The following CNTNAP2 variants were observed in gnomAD, a reference collection of about 807,000 sequenced individuals.
CNTNAP2 encodes contactin associated protein 2, also known as contactin-associated protein-like 2.
Under a neutral mutation model 155.2 loss-of-function variants are expected in CNTNAP2, and 98 were observed. That is an observed-to-expected ratio of 0.63 (90% CI 0.54 to 0.75). The LOEUF (loss-of-function observed/expected upper bound fraction) is 0.75, where lower values mean the gene tolerates loss of function less well. Ranked by LOEUF, CNTNAP2 falls within the 30% of genes least tolerant of loss-of-function variation. The pLI is 0.00. For missense variants in CNTNAP2, 1,727 were observed against 1,688.1 expected (o/e 1.02, Z -0.40); for synonymous variants, 651 against 631.2 (o/e 1.03, Z -0.47).
At chr7:146,697,124 T>A (rs1800794949) in intron 1 of CNTNAP2, among the ~76,000 whole-genome samples, 1 of 152,196 alleles carries the variant, frequency 6.6e-6, no homozygotes, top group Admixed American at 6.5e-5. Context: ...GTTTACTTAT[T>A]TCCCTTTGCA....
intron 1 of CNTNAP2, among the ~76,000 whole-genome samples, chr7:146,267,252 T>C (rs1800009822): frequency 6.6e-6 from 1 of 152,172 alleles, no homozygotes; most frequent in Admixed American, 6.5e-5. Flanking sequence ...GATATATTCA[T>C]ATAGCAATTA....
intron 15 of CNTNAP2, among the ~76,000 whole-genome samples, chr7:148,023,900 T>C (rs13228553): frequency 0.04 from 6,034 of 152,194 alleles, 256 homozygotes; most frequent in East Asian, 0.25. Flanking sequence ...ACTCTCTAGA[T>C]GCTGAAATTG....
chr7:146,848,683 TCTG>T (rs1794809206), intron 3 of CNTNAP2, among the ~76,000 whole-genome samples: 1 of 151,162 alleles, frequency 6.6e-6, no homozygotes, highest in South Asian at 2.1e-4. Flanking sequence ...AGATGAATCT[TCTG>T]CTGAAATAGG....
intron 11 of CNTNAP2, among the ~76,000 whole-genome samples, chr7:147,532,002 T>C (rs575850843): frequency 6.6e-6 from 1 of 151,974 alleles, no homozygotes; most frequent in Non-Finnish European, 1.5e-5. Context: ...AGAGACAGGG[T>C]TTCACCATGT....
At chr7:148,259,248 C>G (rs562624737) in intron 20 of CNTNAP2, among the ~76,000 whole-genome samples, 63 of 136,686 alleles carry the variant, frequency 4.6e-4, no homozygotes, top group Non-Finnish European at 9.5e-4. Context: ...CCCAGCTACT[C>G]GGTAGGCTAA....
chr7:146,798,136 C>T (rs1409816317), intron 2 of CNTNAP2, among the ~76,000 whole-genome samples: 1 of 151,840 alleles, frequency 6.6e-6, no homozygotes, highest in East Asian at 1.9e-4. Context: ...GCCAGGTATC[C>T]TAGCACACGC....
intron 5 of CNTNAP2, among the ~76,000 whole-genome samples, chr7:147,111,405 C>A (rs911950279): frequency 6.6e-6 from 1 of 152,148 alleles, no homozygotes; most frequent in Admixed American, 6.5e-5. Flanking sequence ...GCTTTTGTTG[C>A]AATTGCTTTT....
chr7:146,706,598 G>A (rs1305931245), intron 1 of CNTNAP2, among the ~76,000 whole-genome samples: 1 of 152,104 alleles, frequency 6.6e-6, no homozygotes, highest in Non-Finnish European at 1.5e-5. Context: ...AAAAAAGGAT[G>A]AGATTATATC....
At chr7:147,428,717 AT>A (rs1797420626) in intron 10 of CNTNAP2, among the ~76,000 whole-genome samples, 1 of 152,168 alleles carries the variant, frequency 6.6e-6, no homozygotes, top group Admixed American at 6.5e-5. Flanking sequence ...AAGAGGAAGA[AT>A]CCCCCTGTGT....
intron 1 of CNTNAP2, among the ~76,000 whole-genome samples, chr7:146,599,951 G>A (rs1354388618): frequency 1.3e-5 from 2 of 151,968 alleles, no homozygotes; most frequent in Non-Finnish European, 2.9e-5. Flanking sequence ...TATATTTCCC[G>A]TTAATTTCCG....
intron 1 of CNTNAP2, among the ~76,000 whole-genome samples, chr7:146,772,708 G>A (rs1189325411): frequency 2.0e-5 from 3 of 151,846 alleles, no homozygotes; most frequent in Non-Finnish European, 4.4e-5. Context: ...AGGGGCCATG[G>A]TGGCTAGACA....
rs1321284230 is a variant in CNTNAP2 at position 146,886,291 on chromosome 7, A to G, written c.402+46387A>G. On this transcript the variant is annotated intron_variant, in intron 3 of 23. Transcript: ENST00000361727. The stretch of plus-strand genomic sequence containing the variant: ...CAGTTTTCTTAAAAAAAAAAAAGAA[A>G]GAAATATCTTTATACCAAGATAGCA... Among the ~76,000 whole-genome samples the G allele has an allele frequency of 2.0e-5, 3 of 151,536 alleles. No homozygotes were observed. The East Asian group carries it at 5.8e-4, about 29-fold the overall frequency.
intron 21 of CNTNAP2, among the ~76,000 whole-genome samples, chr7:148,371,714 C>T (rs960160713): frequency 1.3e-5 from 2 of 152,232 alleles, no homozygotes; most frequent in Admixed American, 6.5e-5. Context: ...CATCATTATG[C>T]GAATACCACA....
chr7:146,324,325 C>A (rs1801059253), intron 1 of CNTNAP2, among the ~76,000 whole-genome samples: 1 of 151,964 alleles, frequency 6.6e-6, no homozygotes. Flanking sequence ...AGGTCTGAAA[C>A]CTAAGTAGGG....
chr7:147,400,851 A>G (rs576355708), intron 10 of CNTNAP2, among the ~76,000 whole-genome samples: 1 of 152,326 alleles, frequency 6.6e-6, no homozygotes, highest in South Asian at 2.1e-4. Flanking sequence ...AAAAATATCA[A>G]CTATCACTTA....
At chr7:148,124,597 C>T in intron 16 of CNTNAP2, among the ~76,000 whole-genome samples, 1 of 152,166 alleles carries the variant, frequency 6.6e-6, no homozygotes, top group Non-Finnish European at 1.5e-5. Flanking sequence ...AGGAGACAAA[C>T]ACATTAGTGA....
intron 3 of CNTNAP2, among the ~76,000 whole-genome samples, chr7:147,029,844 A>G (rs1456871226): frequency 6.6e-6 from 1 of 152,342 alleles, no homozygotes; most frequent in Non-Finnish European, 1.5e-5. Flanking sequence ...AAAGATGGTA[A>G]TTTACCTTGC....
chr7:147,590,326 A>G (rs768328804), intron 12 of CNTNAP2, among the ~76,000 whole-genome samples: 7 of 152,064 alleles, frequency 4.6e-5, no homozygotes, highest in Non-Finnish European at 7.4e-5. Flanking sequence ...AATAATCCCA[A>G]TGCATCAAGG....
At chr7:146,819,631 C>A (rs1803237834) in intron 2 of CNTNAP2, among the ~76,000 whole-genome samples, 1 of 152,130 alleles carries the variant, frequency 6.6e-6, no homozygotes, top group Non-Finnish European at 1.5e-5. Flanking sequence ...TTAATTTCAT[C>A]TTCCTGAGAC....
Sources: allele counts gnomAD v4.1 joint callset (sites outside exome capture counted in the v4.1 genomes callset), GRCh38; gene constraint gnomAD v4.1.1; transcripts MANE v1.5; gene names NCBI Gene and HGNC (gene_info 2026-07-23, HGNC 2026-07-21).